The following COLEC12 variants were observed in gnomAD, a reference collection of about 807,000 sequenced individuals.
COLEC12 encodes the protein collectin subfamily member 12.
Under a neutral mutation model 71.1 loss-of-function variants are expected in COLEC12, and 33 were observed. The ratio of observed to expected loss-of-function variants is 0.46; its 90% confidence interval spans 0.35 to 0.62. The LOEUF (loss-of-function observed/expected upper bound fraction) is 0.62, where lower values mean the gene tolerates loss of function less well. Ranked by LOEUF, COLEC12 falls within the 20% of genes least tolerant of loss-of-function variation. The pLI is 0.00. For missense variants in COLEC12, 765 were observed against 916.1 expected, an observed-to-expected ratio of 0.84 and a Z score of 2.13; for synonymous variants, 350 against 353.0, an observed-to-expected ratio of 0.99 and a Z score of 0.10.
At chr18:426,380 C>T (rs145483250) in intron 2 of COLEC12, among the ~76,000 whole-genome samples, 340 of 152,218 alleles carry the variant, frequency 2.2e-3, no homozygotes, top group African/African-American at 7.8e-3. Flanking sequence ...TTGGGGTCTG[C>T]GAGCAATTTT....
intron 2 of COLEC12, among the ~76,000 whole-genome samples, chr18:466,652 CT>C (rs1340247773): frequency 6.6e-6 from 1 of 152,194 alleles, no homozygotes; most frequent in Non-Finnish European, 1.5e-5. Context: ...GTTACTCTTC[CT>C]TTCTCAAATA....
intron 8 of COLEC12, among the ~76,000 whole-genome samples, chr18:329,149 C>T (rs1679580714): frequency 6.6e-6 from 1 of 152,158 alleles, no homozygotes; most frequent in South Asian, 2.1e-4. Context: ...GGGTGCGCTC[C>T]ATCCAGATCA....
At position 334,971 on chromosome 18, in the gene COLEC12, C is replaced by G; in HGVS notation, c.1587G>C (p.Pro529=). 1 of 1,560,996 alleles carries G rather than the reference C, an allele frequency of 6.4e-7. No homozygotes were observed. The highest frequency in any genetic ancestry group is 1.2e-5 in the South Asian group (1 of 84,724). The part of the protein sequence containing the change: ...PQGSSGDPGP[P]GPPGKEGLPG... ...GGAGTCCCTCTTTGCCTGGTGGGCC[C>G]GGGGGGCCTGGGTCCCCACTGGAGC... Residue 529 remains proline (P), a synonymous_variant, in exon 6 of 10, where the codon CCG becomes CCC. Transcript: ENST00000400256.
intron 2 of COLEC12, among the ~76,000 whole-genome samples, chr18:401,691 C>T (rs1915690380): frequency 6.6e-6 from 1 of 152,150 alleles, no homozygotes; most frequent in Admixed American, 6.5e-5. Flanking sequence ...GGTTATCATC[C>T]CTTGGAGATA....
intron 2 of COLEC12, among the ~76,000 whole-genome samples, chr18:420,526 G>A (rs1420788702): frequency 1.3e-5 from 2 of 152,046 alleles, no homozygotes; most frequent in Non-Finnish European, 2.9e-5. Flanking sequence ...TCTAAAAAGC[G>A]ATAAAAAATT....
intron 2 of COLEC12, among the ~76,000 whole-genome samples, chr18:451,867 A>G (rs1025301542): frequency 6.0e-4 from 92 of 152,306 alleles, no homozygotes; most frequent in African/African-American, 2.2e-3. Context: ...TTCCAGGGGG[A>G]GGAAATCAAG....
intron 7 of COLEC12, 24 bp from the exon 8 acceptor site, chr18:331,801 G>T: frequency 7.0e-7 from 1 of 1,431,164 alleles, no homozygotes; most frequent in Non-Finnish European, 9.9e-7. Flanking sequence ...CAGGGGTGGT[G>T]CGTGACTATT....
chr18:403,607 T>G (rs1915729622), intron 2 of COLEC12, among the ~76,000 whole-genome samples: 1 of 152,236 alleles, frequency 6.6e-6, no homozygotes, highest in Non-Finnish European at 1.5e-5. Context: ...AAAGACAGCT[T>G]TAACTGAAGA....
chr18:369,419 A>ATTTTTT (rs1914949198), intron 2 of COLEC12, among the ~76,000 whole-genome samples: 6 of 110,806 alleles, frequency 5.4e-5, no homozygotes, highest in Admixed American at 9.1e-5. Flanking sequence ...TTTTATTTTT[A>ATTTTTT]TTTTTATTTT....
At chr18:487,671 T>C (rs1381268664) in intron 1 of COLEC12, among the ~76,000 whole-genome samples, 1 of 152,168 alleles carries the variant, frequency 6.6e-6, no homozygotes, top group Non-Finnish European at 1.5e-5. Flanking sequence ...AACTGAATGC[T>C]CAGACCCTGA....
chr18:442,052 C>CACAG (rs1213346626), intron 2 of COLEC12, among the ~76,000 whole-genome samples: 1 of 144,662 alleles, frequency 6.9e-6, no homozygotes, highest in Non-Finnish European at 1.5e-5. Flanking sequence ...CACACACACA[C>CACAG]AGCTTCTGAT....
At chr18:435,274 G>A (rs1481034118) in intron 2 of COLEC12, among the ~76,000 whole-genome samples, 1 of 152,178 alleles carries the variant, frequency 6.6e-6, no homozygotes, top group Non-Finnish European at 1.5e-5. Context: ...AAAGGAAAGA[G>A]GTTTAATTGA....
chr18:488,726 C>T (rs545856970), intron 1 of COLEC12, among the ~76,000 whole-genome samples: 4 of 151,046 alleles, frequency 2.6e-5, no homozygotes, highest in African/African-American at 7.3e-5. Context: ...TACAAAAATT[C>T]GCTGGGCGTG....
At chr18:463,574 G>A (rs550146158) in intron 2 of COLEC12, among the ~76,000 whole-genome samples, 1 of 152,136 alleles carries the variant, frequency 6.6e-6, no homozygotes, top group African/African-American at 2.4e-5. Context: ...CGCTGAGACT[G>A]CACAGCGGGG....
intron 2 of COLEC12, among the ~76,000 whole-genome samples, chr18:431,003 T>A (rs1007777211): frequency 6.6e-5 from 10 of 152,098 alleles, no homozygotes; most frequent in African/African-American, 2.4e-4. Context: ...CATTTTATTT[T>A]ATTTTATTTA....
chr18:335,342 T>C lies in COLEC12; in HGVS notation c.1328-112A>G, dbSNP rs935832613. The C allele has an allele frequency of 1.5e-5, 17 of 1,162,344 alleles. No homozygotes were observed. The Admixed American group carries it at 1.9e-4, about 13-fold the overall frequency. 72.0% of individuals were successfully genotyped at this position (1,162,344 alleles called of 1,614,324 possible). A position where few individuals can be genotyped will look rare whatever the true frequency, so the allele number is the denominator to read the frequency against. On this transcript the variant is annotated intron_variant, in intron 5 of 9. Coordinates refer to ENST00000400256, the MANE Select transcript of COLEC12 (RefSeq NM_130386.3). ...TTAAAAAAACCTAGCATACAAAGTATATACAGCAGGGAAAGACCATCTGTT... is the reference window on the plus strand; with the variant it reads ...TTAAAAAAACCTAGCATACAAAGTACATACAGCAGGGAAAGACCATCTGTT...
intron 2 of COLEC12, among the ~76,000 whole-genome samples, chr18:457,193 G>A (rs990934440): frequency 2.6e-5 from 4 of 152,178 alleles, no homozygotes; most frequent in Admixed American, 6.5e-5. Context: ...CCCTGTGAAC[G>A]AACAGGCCTG....
At chr18:328,353 AG>A (rs1208593063) in intron 8 of COLEC12, among the ~76,000 whole-genome samples, 1 of 152,140 alleles carries the variant, frequency 6.6e-6, no homozygotes, top group East Asian at 1.9e-4. Flanking sequence ...TTATGCTGGT[AG>A]GAGACCCTTG....
intron 2 of COLEC12, among the ~76,000 whole-genome samples, chr18:429,720 G>A (rs1334582036): frequency 6.6e-6 from 1 of 152,088 alleles, no homozygotes; most frequent in African/African-American, 2.4e-5. Context: ...GCAAAGAACA[G>A]GCCCCAAAGA....
Sources: gnomAD v4.1 joint callset for allele counts (sites outside exome capture counted in the v4.1 genomes callset) on GRCh38, gnomAD v4.1.1 for gene constraint, MANE v1.5 for transcripts, NCBI Gene and HGNC (gene_info 2026-07-23, HGNC 2026-07-21) for gene names.